The following MYO1E variants were observed in gnomAD, a reference collection of about 807,000 sequenced individuals.
MYO1E encodes the protein unconventional myosin-Ie.
A neutral mutation model predicts 151.1 loss-of-function variants in MYO1E; 68 were observed. The ratio of observed to expected loss-of-function variants is 0.45; its 90% CI spans 0.37 to 0.55. The LOEUF (loss-of-function observed/expected upper bound fraction) is 0.55, where lower values mean the gene tolerates loss of function less well. Ranked by LOEUF, MYO1E falls within the 20% of genes least tolerant of loss-of-function variation. The pLI is 0.00. For missense variants in MYO1E, 1,363 were observed against 1,389.3 expected (o/e 0.98, Z 0.30); for synonymous variants, 601 against 501.7 (o/e 1.20, Z -2.64).
intron 10 of MYO1E, among the ~76,000 whole-genome samples, chr15:59,216,551 T>TAA (rs1438349918): frequency 7.6e-6 from 1 of 131,048 alleles, no homozygotes; most frequent in African/African-American, 2.8e-5. Flanking sequence ...TATACATATA[T>TAA]AAATATATAT....
intron 1 of MYO1E, among the ~76,000 whole-genome samples, chr15:59,320,405 T>C (rs1304394346): frequency 6.6e-6 from 1 of 152,130 alleles, no homozygotes; most frequent in Non-Finnish European, 1.5e-5. Context: ...GACATCACAT[T>C]AACTGACTTT....
chr15:59,355,452 C>T (rs536618480), intron 1 of MYO1E, among the ~76,000 whole-genome samples: 16 of 152,230 alleles, frequency 1.1e-4, no homozygotes, highest in African/African-American at 3.6e-4. Context: ...TTCTGTAGAG[C>T]TTAGGATACT....
At position 59,256,537 on chromosome 15, in the gene MYO1E, G is replaced by C. The variant is rs140091776; in HGVS notation, c.238-159C>G. ...TGCCTATCATTACATCTTAAAGGTT[G>C]CATGATACAAGAATTCATAAAACTT... On this transcript the variant is annotated intron_variant, in intron 3 of 27. Coordinates refer to ENST00000288235, the MANE Select transcript of MYO1E (RefSeq NM_004998.4). Among the ~76,000 whole-genome samples the C allele has an allele frequency of 3.9e-5, 6 of 152,192 alleles. No homozygotes were observed. In the East Asian group the frequency reaches 1.2e-3, roughly 29 times the overall value.
intron 14 of MYO1E, chr15:59,207,581 T>G: frequency 6.2e-7 from 1 of 1,614,182 alleles, no homozygotes; most frequent in Non-Finnish European, 8.5e-7. Flanking sequence ...GGCTGTAATC[T>G]GGATACTGCT....
intron 26 of MYO1E, among the ~76,000 whole-genome samples, chr15:59,152,757 G>C (rs1410114576): frequency 6.6e-6 from 1 of 152,194 alleles, no homozygotes; most frequent in Non-Finnish European, 1.5e-5. Context: ...CAGTGTTAGA[G>C]AGGCCTCTCT....
intron 25 of MYO1E, among the ~76,000 whole-genome samples, chr15:59,157,202 G>A (rs368100411): frequency 6.6e-6 from 1 of 152,092 alleles, no homozygotes; most frequent in Non-Finnish European, 1.5e-5. Flanking sequence ...CTCCAGTTGG[G>A]CAACTGAGAC....
chr15:59,347,851 C>T (rs1036797309), intron 1 of MYO1E, among the ~76,000 whole-genome samples: 5 of 151,946 alleles, frequency 3.3e-5, no homozygotes, highest in Non-Finnish European at 1.5e-5. Context: ...TTTAAAAATA[C>T]AAAAAAGTTC....
intron 1 of MYO1E, among the ~76,000 whole-genome samples, chr15:59,272,845 T>C (rs2080296238): frequency 6.6e-6 from 1 of 152,228 alleles, no homozygotes; most frequent in South Asian, 2.1e-4. Flanking sequence ...AACCATACTG[T>C]TGTGTTGAAT....
At chr15:59,210,395 CAA>C in intron 13 of MYO1E, 117 bp downstream of exon 13, 3 of 767,554 alleles carry the variant, frequency 3.9e-6, no homozygotes, top group Non-Finnish European at 6.9e-6. Flanking sequence ...TACAATTGCT[CAA>C]ATTCTCTGCA....
intron 16 of MYO1E, among the ~76,000 whole-genome samples, chr15:59,201,363 G>A (rs2079800564): frequency 6.6e-6 from 1 of 151,544 alleles, no homozygotes; most frequent in South Asian, 2.1e-4. Context: ...AAAAGTGTTG[G>A]GATTACAGGC....
chr15:59,272,254 G>A, intron 2 of MYO1E, 52 bp downstream of exon 2: 1 of 1,600,650 alleles, frequency 6.2e-7, no homozygotes, highest in East Asian at 2.2e-5. Context: ...CAATTTAACT[G>A]TGGACACTGT....
intron 9 of MYO1E, among the ~76,000 whole-genome samples, chr15:59,221,158 C>T (rs572022864): frequency 1.9e-4 from 29 of 151,364 alleles, no homozygotes; most frequent in African/African-American, 5.3e-4. Context: ...CAGGTGCGCA[C>T]CACCACCAAA....
chr15:59,169,686 GA>G (rs2079580910), intron 22 of MYO1E, among the ~76,000 whole-genome samples: 1 of 152,086 alleles, frequency 6.6e-6, no homozygotes, highest in Non-Finnish European at 1.5e-5. Context: ...ACAGGAAGAA[GA>G]AAAAGAAGCT....
chr15:59,217,950 A>G lies in MYO1E; in HGVS notation c.1048T>C (p.Tyr350His). 6.2e-7 allele frequency: 1 copy of G among 1,614,240 alleles called. No individual in the cohort carries two copies. Among genetic ancestry groups the G allele is most frequent in the Non-Finnish European group, 8.5e-7 (1 of 1,180,046 alleles). Reference sequence around the variant, plus strand: ...GCCTTGGCGAGCGCATCCCGGGTGTAACAGGCCTGCTCTACGTTGAGGGTC... The same window carrying G: ...GCCTTGGCGAGCGCATCCCGGGTGTGACAGGCCTGCTCTACGTTGAGGGTC... The part of the protein sequence containing the change: ...HVTLNVEQAC[Y>H]TRDALAKALH... The change falls in exon 10 of 28, where the codon TAC becomes CAC. Residue 350 changes from tyrosine (Y) to histidine (H), a missense_variant. By Grantham distance (83) the Tyr-to-His change is moderately conservative. Transcript: ENST00000288235.
intron 4 of MYO1E, among the ~76,000 whole-genome samples, chr15:59,249,830 C>T (rs948602893): frequency 4.6e-5 from 7 of 152,176 alleles, no homozygotes; most frequent in South Asian, 2.1e-4. Context: ...CAACTCGGCC[C>T]CTAACAGATG....
intron 2 of MYO1E, among the ~76,000 whole-genome samples, chr15:59,271,805 T>C (rs1447862434): frequency 2.0e-5 from 3 of 152,226 alleles, no homozygotes; most frequent in Admixed American, 2.0e-4. Context: ...TCAGGATGCA[T>C]TATTGATAGA....
At chr15:59,304,316 C>T (rs1452702343) in intron 1 of MYO1E, among the ~76,000 whole-genome samples, 1 of 152,100 alleles carries the variant, frequency 6.6e-6, no homozygotes. Context: ...AGGTGAAGGT[C>T]AGGTACGTGG....
intron 4 of MYO1E, among the ~76,000 whole-genome samples, 172 bp downstream of exon 4, chr15:59,256,112 T>C (rs770451064): frequency 1.3e-5 from 2 of 152,206 alleles, no homozygotes; most frequent in Admixed American, 6.5e-5. Flanking sequence ...AGCTCTATTA[T>C]ATAGAGTTAT....
chr15:59,358,533 C>G (rs556081644), intron 1 of MYO1E, among the ~76,000 whole-genome samples: 2 of 152,152 alleles, frequency 1.3e-5, no homozygotes, highest in African/African-American at 4.8e-5. Flanking sequence ...TTTTCTACAC[C>G]CCAAGCCCTA....
Sources: allele counts gnomAD v4.1 joint callset (sites outside exome capture counted in the v4.1 genomes callset), GRCh38; gene constraint gnomAD v4.1.1; transcripts MANE v1.5; gene names NCBI Gene and HGNC (gene_info 2026-07-23, HGNC 2026-07-21).